The following YTHDC2 variants were observed in gnomAD, a reference collection of about 807,000 sequenced individuals.
The protein encoded by YTHDC2 is YTH N6-methyladenosine RNA binding protein C2, also known as 3'-5' RNA helicase YTHDC2.
In YTHDC2, 45 loss-of-function variants were observed where a neutral mutation model predicts 174.9. That is an observed-to-expected ratio of 0.26 (90% CI 0.20 to 0.33). The LOEUF is 0.33. YTHDC2 is among the 10% of genes least tolerant of loss of function. The pLI is 1.00. For missense variants in YTHDC2, 1,650 were observed against 1,723.7 expected, an observed-to-expected ratio of 0.96 and a Z score of 0.76; for synonymous variants, 657 against 574.5, an observed-to-expected ratio of 1.14 and a Z score of -2.05.
intron 18 of YTHDC2, among the ~76,000 whole-genome samples, chr5:113,561,957 GGTGTGT>G (rs70973686): frequency 0.051 from 6,898 of 134,882 alleles, 460 homozygotes; most frequent in African/African-American, 0.17. Context: ...ATTAATTGTG[GGTGTGT>G]GTGTGTGTGT....
rs780959391 is a variant in YTHDC2 at position 113,553,639 on chromosome 5, A to G, written c.1917A>G (p.Arg639=). ...LPGYDEIVGL[R]DRILFDDKRF... is the part of the protein sequence containing the mutation. Reference sequence around the variant, plus strand: ...GATATGACGAAATTGTTGGACTGAGAGATCGCATCCTGTTTGATGACAAGC... The same window carrying G: ...GATATGACGAAATTGTTGGACTGAGGGATCGCATCCTGTTTGATGACAAGC... Residue 639 remains arginine (R), a synonymous_variant, in exon 14 of 30, where the codon AGA becomes AGG. Transcript: ENST00000161863. 5 of 1,613,566 alleles carry G rather than the reference A, an allele frequency of 3.1e-6. No individual in the cohort carries two copies. The highest frequency in any genetic ancestry group is 4.2e-6 in the Non-Finnish European group (5 of 1,179,606).
chr5:113,539,574 C>T (rs558240930), intron 8 of YTHDC2, among the ~76,000 whole-genome samples: 1 of 152,294 alleles, frequency 6.6e-6, no homozygotes, highest in South Asian at 2.1e-4. Flanking sequence ...TTGAGTTTTC[C>T]AAATCTTGAT....
chr5:113,517,741 C>A, intron 2 of YTHDC2: 1 of 290,920 alleles, frequency 3.4e-6, no homozygotes. Context: ...TCTTAGTGGT[C>A]CTTGTGATTT....
Position 113,561,106 on chromosome 5 carries a change from G to C in YTHDC2, c.2243G>C (p.Cys748Ser). Residue 748 changes from cysteine (C) to serine (S), a missense_variant, in exon 18 of 30, where the codon TGT becomes TCT. Transcript: ENST00000161863. Reference sequence around the variant, plus strand: ...GCAGGGCGATGTAGACCTGGAATTTGTTTTCGTCTGTTCAGTAGACTCCGA... The same window carrying C: ...GCAGGGCGATGTAGACCTGGAATTTCTTTTCGTCTGTTCAGTAGACTCCGA... ...GRAGRCRPGI[C>S]FRLFSRLRFQ... The C allele has an allele frequency of 6.2e-7, 1 of 1,608,498 alleles. No individual in the cohort carries two copies. The highest frequency in any genetic ancestry group is 8.5e-7 in the Non-Finnish European group (1 of 1,176,724).
At chr5:113,552,052 T>G (rs1776283842) in intron 12 of YTHDC2, among the ~76,000 whole-genome samples, 1 of 152,156 alleles carries the variant, frequency 6.6e-6, no homozygotes, top group Admixed American at 6.6e-5. Flanking sequence ...AGTTGGTACC[T>G]ACTGAGTTTT....
chr5:113,534,607 T>C (rs1774927166), intron 6 of YTHDC2, among the ~76,000 whole-genome samples, 200 bp downstream of exon 6: 1 of 152,162 alleles, frequency 6.6e-6, no homozygotes, highest in East Asian at 1.9e-4. Context: ...AAATATTTTG[T>C]ATTACAAAAA....
rs770843706 is a variant in YTHDC2, at chr5:113,581,406, A to T, written c.3355-11A>T. ...ATATTCATTTGCTTGTATCTATTTG[A>T]ACTATTACAGGCAGCTAGTTTATTG... On this transcript the variant is annotated splice_polypyrimidine_tract_variant and intron_variant, in intron 24 of 29. Coordinates refer to ENST00000161863, the MANE Select transcript of YTHDC2 (RefSeq NM_022828.5). The T allele has an allele frequency of 6.4e-7, 1 of 1,571,360 alleles. No individual in the cohort carries two copies. Among genetic ancestry groups the T allele is most frequent in the Non-Finnish European group, 8.6e-7 (1 of 1,161,640 alleles).
At chr5:113,554,123 A>G (rs1776447186) in intron 16 of YTHDC2, 101 bp downstream of exon 16, 2 of 1,107,250 alleles carry the variant, frequency 1.8e-6, no homozygotes, top group South Asian at 2.3e-5. Flanking sequence ...TTTTAATTTT[A>G]CCTCTACTCA....
At chr5:113,550,351 A>G (rs1160148664) in intron 12 of YTHDC2, among the ~76,000 whole-genome samples, 4 of 152,178 alleles carry the variant, frequency 2.6e-5, no homozygotes, top group African/African-American at 9.6e-5. Flanking sequence ...GGGAAGAATT[A>G]CTATCAGATC....
chr5:113,550,820 A>G (rs763910430), intron 12 of YTHDC2, among the ~76,000 whole-genome samples: 1 of 152,090 alleles, frequency 6.6e-6, no homozygotes, highest in Non-Finnish European at 1.5e-5. Context: ...TGTAAAACCA[A>G]TCGAATTAAT....
chr5:113,568,063 T>A (rs991441664), intron 23 of YTHDC2, among the ~76,000 whole-genome samples: 13 of 152,158 alleles, frequency 8.5e-5, no homozygotes, highest in Non-Finnish European at 1.6e-4. Context: ...TTGTGCATTT[T>A]TTATTAATCT....
At chr5:113,545,333 T>G (rs1234761966) in intron 10 of YTHDC2, among the ~76,000 whole-genome samples, 1 of 151,368 alleles carries the variant, frequency 6.6e-6, no homozygotes, top group Non-Finnish European at 1.5e-5. Context: ...TCCTATTGAT[T>G]TATTTTTTAA....
Position 113,535,696 on chromosome 5 carries a change from G to T in YTHDC2, c.1000G>T (p.Asp334Tyr). ...FSDFLLTKLR[D>Y]LLQKHPTLKL... ...TGATTTTTTACTTACAAAGTTAAGA[G>T]ATTTGTTGCAAAAGCACCCAACTTT... The change falls in exon 7 of 30, where the codon GAT (aspartate) becomes TAT (tyrosine). Residue 334 changes from aspartate to tyrosine, a missense_variant. Physicochemically the swap from Asp to Tyr is radical, Grantham distance 160. Coordinates refer to ENST00000161863, the MANE Select transcript of YTHDC2 (RefSeq NM_022828.5). 6.2e-7 allele frequency: 1 copy of T among 1,613,748 alleles called. No individual in the cohort carries two copies. Among genetic ancestry groups the T allele is most frequent in the Non-Finnish European group, 8.5e-7 (1 of 1,179,864 alleles).
intron 2 of YTHDC2, among the ~76,000 whole-genome samples, chr5:113,518,089 TG>T (rs1168815754): frequency 6.6e-6 from 1 of 151,988 alleles, no homozygotes; most frequent in South Asian, 2.1e-4. Flanking sequence ...GGGGTTTCAC[TG>T]TGTTAGCCAG....
At chr5:113,566,124 A>G (rs973226444) in intron 21 of YTHDC2, 105 bp downstream of exon 21, 18 of 1,271,126 alleles carry the variant, frequency 1.4e-5, no homozygotes, top group Non-Finnish European at 1.9e-5. Flanking sequence ...TTTTTATGAC[A>G]TTATCATGTT....
chr5:113,566,173 A>G (rs938214172), intron 21 of YTHDC2, among the ~76,000 whole-genome samples, 154 bp downstream of exon 21: 1 of 152,132 alleles, frequency 6.6e-6, no homozygotes, highest in African/African-American at 2.4e-5. Context: ...AGACTTCGAT[A>G]TGTCTTCAAC....
intron 24 of YTHDC2, 82 bp downstream of exon 24, chr5:113,579,777 T>A (rs769840825): frequency 4.3e-6 from 6 of 1,385,112 alleles, no homozygotes; most frequent in Non-Finnish European, 5.6e-6. Context: ...AATTTTTTTC[T>A]TTACTATTGA....
Position 113,525,090 on chromosome 5 carries a change from C to G in YTHDC2, c.388C>G (p.Leu130Val). 6.2e-7 allele frequency: 1 copy of G among 1,612,236 alleles called. No homozygotes were observed. Among genetic ancestry groups the G allele is most frequent in the Non-Finnish European group, 8.5e-7 (1 of 1,179,018 alleles). ...THNTKHAVRS[L>V]IQRFPVTNKE... ...TAATACAAAACATGCTGTTAGGAGC[C>G]TAATTCAAAGATTTCCTGTCACCAA... Residue 130 changes from leucine (L) to valine (V), a missense_variant, in exon 3 of 30, where the codon CTA becomes GTA. Physicochemically the swap from Leu to Val is conservative, Grantham distance 32. Coordinates refer to ENST00000161863, the MANE Select transcript of YTHDC2 (RefSeq NM_022828.5).
chr5:113,538,157 TTGTC>T (rs141665543), intron 7 of YTHDC2, among the ~76,000 whole-genome samples: 31,923 of 151,956 alleles, frequency 0.21, 3,770 homozygotes, highest in Admixed American at 0.34. Context: ...GCTCTAGAAT[TTGTC>T]TGCTTCTTTT....
Sources: gnomAD v4.1 joint callset for allele counts (sites outside exome capture counted in the v4.1 genomes callset) on GRCh38, gnomAD v4.1.1 for gene constraint, MANE v1.5 for transcripts, NCBI Gene and HGNC (gene_info 2026-07-23, HGNC 2026-07-21) for gene names.